RGS5: variants seen among roughly 807,000 people sequenced by gnomAD.
RGS5 encodes the protein regulator of G-protein signalling 5.
In RGS5, 20 loss-of-function variants were observed where a neutral mutation model predicts 18.9. The ratio of observed to expected loss-of-function variants is 1.06; its 90% CI spans 0.74 to 1.54. The LOEUF (loss-of-function observed/expected upper bound fraction) is 1.54. Among genes scored for constraint, RGS5 ranks in the 40% most tolerant of loss-of-function variants. RGS5 has a pLI of 0.00. For missense variants in RGS5, 201 were observed against 211.8 expected (o/e 0.95, Z 0.32); for synonymous variants, 57 against 76.2 (o/e 0.75, Z 1.31).
chr1:163,261,289 G>A (rs1648427496), intron 2 of RGS5, among the ~76,000 whole-genome samples: 1 of 152,030 alleles, frequency 6.6e-6, no homozygotes, highest in African/African-American at 2.4e-5. Context: ...TCTCTCAGTG[G>A]CTCTTCTAGG....
At chr1:163,166,059 G>A (rs1335553732) in intron 2 of RGS5, among the ~76,000 whole-genome samples, 1 of 152,128 alleles carries the variant, frequency 6.6e-6, no homozygotes, top group African/African-American at 2.4e-5. Flanking sequence ...AAAGCCATGA[G>A]TACAGACTTC....
chr1:163,195,834 T>C (rs929570239), intron 1 of RGS5, among the ~76,000 whole-genome samples: 18 of 152,132 alleles, frequency 1.2e-4, no homozygotes, highest in African/African-American at 3.1e-4. Flanking sequence ...GGGGTCCTTC[T>C]ACTAAAAACT....
At chr1:163,270,320 T>C (rs1648684657) in intron 2 of RGS5, among the ~76,000 whole-genome samples, 1 of 134,746 alleles carries the variant, frequency 7.4e-6, no homozygotes, top group African/African-American at 2.8e-5. Flanking sequence ...GAGACTAACC[T>C]GAGCAACATA....
At chr1:163,224,747 G>C (rs1015474430) in intron 2 of RGS5, among the ~76,000 whole-genome samples, 1 of 152,108 alleles carries the variant, frequency 6.6e-6, no homozygotes, top group African/African-American at 2.4e-5. Flanking sequence ...CTGAAGTGAG[G>C]CGTTATCTCA....
At chr1:163,218,558 A>G (rs999592586), upstream of RGS5, among the ~76,000 whole-genome samples, 7 of 151,784 alleles carry the variant, frequency 4.6e-5, no homozygotes, top group African/African-American at 1.7e-4. Context: ...TTTTCTGTGC[A>G]TTATGCATTT....
chr1:163,266,784 G>C (rs540490638), intron 2 of RGS5: 25 of 152,108 alleles, frequency 1.6e-4, no homozygotes, highest in African/African-American at 6.0e-4. Context: ...CCTCTTGATT[G>C]CATGGAAAGA....
At chr1:163,262,043 A>T (rs983328576) in intron 2 of RGS5, among the ~76,000 whole-genome samples, 1 of 152,030 alleles carries the variant, frequency 6.6e-6, no homozygotes. Context: ...TGAAGGTAAC[A>T]ATCTAGAGGC....
intron 3 of RGS5, among the ~76,000 whole-genome samples, chr1:163,161,061 A>C (rs1657778440): frequency 6.6e-6 from 1 of 152,218 alleles, no homozygotes; most frequent in African/African-American, 2.4e-5. Flanking sequence ...GGGTGGATAA[A>C]TTGTTCTGGA....
At chr1:163,263,131 T>G (rs1019682135) in intron 2 of RGS5, among the ~76,000 whole-genome samples, 21 of 152,206 alleles carry the variant, frequency 1.4e-4, no homozygotes, top group Non-Finnish European at 1.0e-4. Flanking sequence ...CAGCTGTAAC[T>G]TGCTTAACAT....
At chr1:163,192,180 A>G (rs1659387123) in intron 1 of RGS5, among the ~76,000 whole-genome samples, 1 of 152,216 alleles carries the variant, frequency 6.6e-6, no homozygotes, top group African/African-American at 2.4e-5. Flanking sequence ...AAATTATTGA[A>G]GCTAAAGAAG....
At chr1:163,280,716 C>A (rs1440720220) in intron 2 of RGS5, among the ~76,000 whole-genome samples, 2 of 151,834 alleles carry the variant, frequency 1.3e-5, no homozygotes, top group Non-Finnish European at 2.9e-5. Flanking sequence ...CAATGCAATT[C>A]CTACCCAAAG....
intron 2 of RGS5, among the ~76,000 whole-genome samples, chr1:163,290,820 GT>G (rs1649264301): frequency 6.6e-6 from 1 of 152,008 alleles, no homozygotes; most frequent in Non-Finnish European, 1.5e-5. Flanking sequence ...AGATCAACCA[GT>G]CTAAAGTATT....
At chr1:163,305,308 T>A (rs538611172) in intron 2 of RGS5, 230 of 152,702 alleles carry the variant, frequency 1.5e-3, no homozygotes, top group Middle Eastern at 6.8e-3. Context: ...GTTGGTTTGG[T>A]GGTCTCTGTA....
chr1:163,175,639 C>T (rs1456928975), intron 1 of RGS5, among the ~76,000 whole-genome samples: 2 of 152,110 alleles, frequency 1.3e-5, no homozygotes, highest in African/African-American at 4.8e-5. Context: ...TACCATCTAC[C>T]CTATTTCTGA....
chr1:163,213,772 G>A lies in RGS5; in HGVS notation c.69+3754C>T, dbSNP rs565547263. On this transcript the variant is annotated intron_variant, in intron 1 of 5. Coordinates refer to the RGS5 transcript ENST00000367903. ...CCATTCACTGTGTCATCTGTATTCA[G>A]GGGAAAGCCCCCCTGAATCTCCCTT... Among the ~76,000 whole-genome samples, 4 of 152,190 alleles carry A rather than the reference G, an allele frequency of 2.6e-5. No homozygotes were observed. In the East Asian group the frequency reaches 5.8e-4, roughly 22 times the overall value.
intron 1 of RGS5, among the ~76,000 whole-genome samples, chr1:163,207,991 T>C (rs533173025): frequency 6.6e-6 from 1 of 151,998 alleles, no homozygotes; most frequent in Non-Finnish European, 1.5e-5. Flanking sequence ...TTCAATACTG[T>C]GTGACAGAAT....
chr1:163,224,112 A>G (rs569770436), intron 2 of RGS5, among the ~76,000 whole-genome samples: 1 of 152,212 alleles, frequency 6.6e-6, no homozygotes, highest in South Asian at 2.1e-4. Context: ...GCAATATATT[A>G]TTGTTAACTA....
upstream of RGS5, among the ~76,000 whole-genome samples, chr1:163,203,920 A>G (rs1424620882): frequency 6.6e-6 from 1 of 152,198 alleles, no homozygotes; most frequent in Non-Finnish European, 1.5e-5. Context: ...AATGCCTAAA[A>G]GGTAGGCATG....
At chr1:163,315,493 T>C (rs1198284353) in intron 1 of RGS5, among the ~76,000 whole-genome samples, 2 of 152,216 alleles carry the variant, frequency 1.3e-5, no homozygotes, top group African/African-American at 4.8e-5. Flanking sequence ...ATACTAACTA[T>C]ATTAAAATAA....
Sources: gnomAD v4.1 joint callset for allele counts (sites outside exome capture counted in the v4.1 genomes callset) on GRCh38, gnomAD v4.1.1 for gene constraint, MANE v1.5 for transcripts, NCBI Gene and HGNC (gene_info 2026-07-23, HGNC 2026-07-21) for gene names.